The following CLCN7 variants were observed in gnomAD, a reference collection of about 807,000 sequenced individuals.
CLCN7 encodes the protein Cl-/H+ antiporter 7.
Under a neutral mutation model 102.1 loss-of-function variants are expected in CLCN7, and 60 were observed. The observed-to-expected ratio is 0.59, with a 90% confidence interval of 0.48 to 0.73. CLCN7 has a LOEUF of 0.73. Among genes scored for constraint, CLCN7 ranks in the 30% least tolerant of loss-of-function variants. The pLI, the probability that CLCN7 is intolerant of heterozygous loss-of-function variation, is 0.00. For missense variants in CLCN7, 962 were observed against 1,125.7 expected (o/e 0.85, Z 2.08); for synonymous variants, 560 against 490.5 (o/e 1.14, Z -1.87).
chr16:1,470,597 CTGAACAGCAA>C (rs753565178), intron 1 of CLCN7, among the ~76,000 whole-genome samples: 4 of 152,340 alleles, frequency 2.6e-5, no homozygotes, highest in Middle Eastern at 3.4e-3. Context: ...AAGACAGACA[CTGAACAGCAA>C]TGCTGGAGGG....
rs376825291 is a variant in CLCN7, at chr16:1,447,732, G to A, written c.2014-18C>T. ...CGGGCAGGCTGCAAGACAGGCCCGC[G>A]GTCAGGGCCACGGGCCCGAGGGTGG... On this transcript the variant is annotated intron_variant, in intron 21 of 24. Coordinates refer to ENST00000382745, the MANE Select transcript of CLCN7 (RefSeq NM_001287.6). 966 of 1,549,720 alleles carry A rather than the reference G, an allele frequency of 6.2e-4. 1 individual carries two copies. Among genetic ancestry groups the A allele is most frequent in the Non-Finnish European group, 7.5e-4 (863 of 1,146,788 alleles).
rs1215800471 is a variant in CLCN7 at position 1,465,335 on chromosome 16, G to A, written c.145C>T (p.Pro49Ser). 8.7e-6 allele frequency: 14 copies of A among 1,613,244 alleles called. No homozygotes were observed. Among genetic ancestry groups the A allele is most frequent in the East Asian group, 2.2e-5 (1 of 44,876 alleles). ...CCGACTCGGAAAAGCGCAGAACGTG[G>A]TGACTAAAAGCAGAAGAGAAATCAT... ...GAGPGAARQS[P>S]RSALFRVGHM... Residue 49 changes from proline (P) to serine (S), a missense_variant, in exon 2 of 25, where the codon CCA (proline) becomes TCA (serine). Pro to Ser is a moderately conservative substitution (Grantham distance 74). This residue lies in a region of CLCN7 where 163 missense variants were observed against 137.7 expected (regional missense o/e 1.18). Transcript: ENST00000382745.
At position 1,457,570 on chromosome 16, in the gene CLCN7, C is replaced by T. The variant is rs980695732; in HGVS notation, c.738+124G>A. ...CCAGAAGGACCGGTGCTCAGAGACA[C>T]GCGTGACGCGGCCCTTCCTGGAGAC... is the stretch of plus-strand genomic sequence containing the variant. On this transcript the variant is annotated intron_variant, in intron 8 of 24. Coordinates refer to ENST00000382745, the MANE Select transcript of CLCN7 (RefSeq NM_001287.6). This position sits in a 1 kb window ranked among gnomAD's most constrained non-coding sequence, Gnocchi z 5.4. The T allele has an allele frequency of 1.3e-4, 106 of 839,180 alleles. No individual in the cohort carries two copies. Among genetic ancestry groups the T allele is most frequent in the African/African-American group, 6.4e-4 (38 of 59,776 alleles). The allele number at this position is 839,180 out of a possible 1,614,324, so 52.0% of individuals were successfully genotyped here. A position where few individuals can be genotyped will look rare whatever the true frequency, so the allele number is the denominator to read the frequency against.
intron 17 of CLCN7, chr16:1,450,105 T>G: frequency 8.0e-6 from 2 of 249,452 alleles, no homozygotes; most frequent in South Asian, 5.2e-5. Flanking sequence ...GGGGCTGAGG[T>G]CTGGAGGGCA....
At chr16:1,462,665 CAA>C (rs67969666) in intron 2 of CLCN7, among the ~76,000 whole-genome samples, 24 of 36,180 alleles carry the variant, frequency 6.6e-4, no homozygotes, top group African/African-American at 1.8e-3. Context: ...AAAAAAAAGC[CAA>C]AAAAAAAAAA....
At position 1,459,195 on chromosome 16, in the gene CLCN7, A is replaced by T; in HGVS notation, c.595-8T>A. ...GCTGCCAGCAGCCACCGGCTGAAAG[A>T]GGGGAAGCACGGCTGAGTGGGTCAC... On this transcript the variant is annotated splice_region_variant and splice_polypyrimidine_tract_variant and intron_variant, in intron 6 of 24. Transcript: ENST00000382745. The T allele has an allele frequency of 6.2e-7, 1 of 1,612,680 alleles. No individual in the cohort carries two copies. Among genetic ancestry groups the T allele is most frequent in the South Asian group, 1.1e-5 (1 of 91,012 alleles).
At chr16:1,455,920 A>G in intron 10 of CLCN7, 125 bp from the exon 11 acceptor site, 1 of 1,148,534 alleles carries the variant, frequency 8.7e-7, no homozygotes, top group South Asian at 1.3e-5. Flanking sequence ...GGTGGGCCCC[A>G]GCCACACAGA....
intron 5 of CLCN7, 22 bp from the exon 6 acceptor site, chr16:1,460,549 T>A: frequency 6.3e-7 from 1 of 1,585,662 alleles, no homozygotes; most frequent in Non-Finnish European, 8.7e-7. Flanking sequence ...CAAGGAGGGC[T>A]GGCTGCTTCC....
intron 6 of CLCN7, among the ~76,000 whole-genome samples, chr16:1,459,769 C>A (rs1348968665): frequency 1.8e-5 from 1 of 55,326 alleles, no homozygotes. Context: ...GGAAGGGGAG[C>A]TCAGCACACA....
intron 7 of CLCN7, among the ~76,000 whole-genome samples, chr16:1,458,735 T>C (rs36091838): frequency 0.066 from 9,976 of 152,208 alleles, 414 homozygotes; most frequent in Non-Finnish European, 0.096. Context: ...CAAGTGTAAA[T>C]GACCATGAGG....
At position 1,457,572 on chromosome 16, in the gene CLCN7, C is replaced by G. The variant is rs952597282; in HGVS notation, c.738+122G>C. On this transcript the variant is annotated intron_variant, in intron 8 of 24. Transcript: ENST00000382745. This position sits in a 1 kb window ranked among gnomAD's most constrained non-coding sequence, Gnocchi z 5.4. ...AGAAGGACCGGTGCTCAGAGACACG[C>G]GTGACGCGGCCCTTCCTGGAGACCA... The G allele has an allele frequency of 2.3e-6, 2 of 870,940 alleles. No homozygotes were observed. Among genetic ancestry groups the G allele is most frequent in the East Asian group, 2.6e-5 (1 of 38,380 alleles). The allele number at this position is 870,940 out of a possible 1,614,324, so 54.0% of individuals were successfully genotyped here.
Position 1,460,896 on chromosome 16 carries a change from A to C in CLCN7, c.404T>G (p.Ile135Ser). 6.2e-7 allele frequency: 1 copy of C among 1,613,986 alleles called. No individual in the cohort carries two copies. Among genetic ancestry groups the C allele is most frequent in the Non-Finnish European group, 8.5e-7 (1 of 1,179,956 alleles). The change falls in exon 5 of 25, where the codon ATC becomes AGC. Residue 135 changes from isoleucine (I) to serine (S), a missense_variant. By Grantham distance (142) the Ile-to-Ser change is moderately radical. Coordinates refer to ENST00000382745, the MANE Select transcript of CLCN7 (RefSeq NM_001287.6). Reference protein sequence around the residue: ...KRWVICALIGILTGLVACFID... With the variant: ...KRWVICALIGSLTGLVACFID... ...GAAGCAGGCCACGAGGCCCGTGAGG[A>C]TCCCAATGAGGGCGCAGATGACCCA...
At chr16:1,468,174 G>A (rs1046889071) in intron 1 of CLCN7, among the ~76,000 whole-genome samples, 1 of 151,734 alleles carries the variant, frequency 6.6e-6, no homozygotes, top group African/African-American at 2.4e-5. Flanking sequence ...GAGGGCCACC[G>A]TCTACACCAC....
intron 9 of CLCN7, 92 bp from the exon 10 acceptor site, chr16:1,456,298 G>A: frequency 1.1e-6 from 1 of 940,058 alleles, no homozygotes; most frequent in Non-Finnish European, 1.7e-6. Context: ...GGCTGTGCAG[G>A]GGAAGGGGCT....
chr16:1,451,793 T>A, intron 15 of CLCN7, 77 bp from the exon 16 acceptor site: 1 of 1,166,574 alleles, frequency 8.6e-7, no homozygotes, highest in Non-Finnish European at 1.3e-6. Context: ...GGTGTCGCCG[T>A]GAGAGGCCGT....
At chr16:1,474,493 C>T (rs2039123795) in intron 1 of CLCN7, 2 of 350,506 alleles carry the variant, frequency 5.7e-6, no homozygotes, top group Non-Finnish European at 5.4e-6. Context: ...GCCACTTGCA[C>T]CCCTTTAGGG....
Position 1,450,631 on chromosome 16 carries a change from G to C in CLCN7, c.1483C>G (p.Leu495Val). The C allele has an allele frequency of 6.2e-7, 1 of 1,612,578 alleles. No homozygotes were observed. The highest frequency in any genetic ancestry group is 8.5e-7 in the Non-Finnish European group (1 of 1,179,698). ...YNPLTLGLFTLVYFFLACWTY... is the reference protein window; with the variant it reads ...YNPLTLGLFTVVYFFLACWTY... ...CAGCAGGCCAGGAAGAAGTAGACCA[G>C]CGTGAACAGGCCGAGGGTCAGGGGG... The change falls in exon 17 of 25, where the codon CTG becomes GTG. Residue 495 changes from leucine (L) to valine (V), a missense_variant. Leu to Val is a conservative substitution (Grantham distance 32). This residue lies in a region of CLCN7 where 799 missense variants were observed against 988.0 expected (regional missense o/e 0.81). Coordinates refer to ENST00000382745, the MANE Select transcript of CLCN7 (RefSeq NM_001287.6).
At position 1,447,577 on chromosome 16, in the gene CLCN7, G is replaced by A. The variant is rs1447025780; in HGVS notation, c.2074-9C>T. On this transcript the variant is annotated splice_polypyrimidine_tract_variant and intron_variant, in intron 22 of 24. Transcript: ENST00000382745. The stretch of plus-strand genomic sequence containing the variant: ...GACCGCTCCACAAACACCTGCGGGC[G>A]GCAGAGCCCTGTGTCAGGCACCCAG... 32 of 1,553,674 alleles carry A rather than the reference G, an allele frequency of 2.1e-5. No homozygotes were observed. Among genetic ancestry groups the A allele is most frequent in the South Asian group, 2.4e-5 (2 of 84,342 alleles).
Position 1,453,815 on chromosome 16 carries a change from C to T in CLCN7, c.1214+19G>A. ...TGGCCACGCCTGCCAACGCGATATG[C>T]AATGCGGTTTCTCCTCACCTGATTC... On this transcript the variant is annotated intron_variant, in intron 14 of 24. Coordinates refer to ENST00000382745, the MANE Select transcript of CLCN7 (RefSeq NM_001287.6). 1 of 1,612,558 alleles carries T rather than the reference C, an allele frequency of 6.2e-7. No homozygotes were observed. Among genetic ancestry groups the T allele is most frequent in the Non-Finnish European group, 8.5e-7 (1 of 1,179,314 alleles).
Sources: allele counts gnomAD v4.1 joint callset (sites outside exome capture counted in the v4.1 genomes callset), GRCh38; gene constraint gnomAD v4.1.1; regional missense constraint gnomAD v4.1.1; non-coding constraint Gnocchi (gnomAD v3.1); transcripts MANE v1.5; gene names NCBI Gene and HGNC (gene_info 2026-07-23, HGNC 2026-07-21).